INTS3: variants seen among roughly 807,000 people sequenced by gnomAD.
INTS3 encodes SOSS complex subunit A.
In INTS3, 34 loss-of-function variants were observed where a neutral mutation model predicts 146.3. The ratio of observed to expected loss-of-function variants is 0.23; its 90% confidence interval spans 0.18 to 0.31. The LOEUF is 0.31. Among genes scored for constraint, INTS3 ranks in the 10% least tolerant of loss-of-function variants. The pLI is 1.00. For synonymous variants in INTS3, 475 were observed against 494.9 expected (o/e 0.96, Z 0.53); for missense variants, 757 against 1,304.2 (o/e 0.58, Z 6.46).
At chr1:153,749,752 C>G (rs1049552495) in intron 6 of INTS3, among the ~76,000 whole-genome samples, 9 of 152,230 alleles carry the variant, frequency 5.9e-5, no homozygotes, top group African/African-American at 1.9e-4. Flanking sequence ...TCAACTCTTT[C>G]TTTCTCTTTA....
chr1:153,750,783 A>G (rs1405490820), intron 6 of INTS3: 1 of 374,662 alleles, frequency 2.7e-6, no homozygotes, highest in Non-Finnish European at 4.8e-6. Context: ...AAATGTTTGA[A>G]TGAATGAGTC....
At chr1:153,763,504 GTTC>G (rs1672466675) in intron 16 of INTS3, 142 bp downstream of exon 16, 1 of 900,388 alleles carries the variant, frequency 1.1e-6, no homozygotes, top group East Asian at 2.5e-5. Flanking sequence ...TCATGAGGGA[GTTC>G]TTCTGCACTT....
Position 153,751,233 on chromosome 1 carries a change from G to A in INTS3, c.723G>A (p.Arg241=), listed in dbSNP as rs1382333642. ...TAGACTTCTGCATCTCACTGCTTCG[G>A]GAACGGGTGAGGGAACAGGACAAAA... ...KEVDFCISLL[R]ERFMECLMIG... is the part of the protein sequence containing the mutation. The change falls in exon 7 of 30, where the codon CGG becomes CGA. Residue 241 remains arginine (R), a synonymous_variant. Coordinates refer to ENST00000318967, the MANE Select transcript of INTS3 (RefSeq NM_023015.5). The A allele has an allele frequency of 6.2e-7, 1 of 1,614,150 alleles. No homozygotes were observed. The highest frequency in any genetic ancestry group is 8.5e-7 in the Non-Finnish European group (1 of 1,179,978).
At chr1:153,747,712 C>A in intron 5 of INTS3, 1 of 302,194 alleles carries the variant, frequency 3.3e-6, no homozygotes, top group South Asian at 4.4e-5. Flanking sequence ...TTCTCAAGTC[C>A]CTGTGCTTTC....
At chr1:153,744,829 A>G (rs12754128) in intron 3 of INTS3, among the ~76,000 whole-genome samples, 1 of 152,116 alleles carries the variant, frequency 6.6e-6, no homozygotes, top group African/African-American at 2.4e-5. Flanking sequence ...AGAGTCTCAA[A>G]ACTATTACAA....
At chr1:153,738,580 T>A (rs1671391015) in intron 1 of INTS3, among the ~76,000 whole-genome samples, 1 of 152,224 alleles carries the variant, frequency 6.6e-6, no homozygotes, top group Non-Finnish European at 1.5e-5. Flanking sequence ...TTAGTGATAT[T>A]AACTTTGATC....
In INTS3 at chr1:153,772,608, T is replaced by C. The variant is rs1239687700; in HGVS notation, c.2822-31T>C. On this transcript the variant is annotated intron_variant, in intron 27 of 29. Transcript: ENST00000318967. The surrounding 1 kb of genome is among the most constrained non-coding windows in gnomAD (Gnocchi z 4.6). ...AAGCTCCCAGACATCTGATTGTTTTTCCTTCCCTGCTCTCCCTTTTCTTCC... is the reference window on the plus strand; with the variant it reads ...AAGCTCCCAGACATCTGATTGTTTTCCCTTCCCTGCTCTCCCTTTTCTTCC... The C allele has an allele frequency of 5.6e-6, 9 of 1,613,998 alleles. No homozygotes were observed. The highest frequency in any genetic ancestry group is 1.6e-4 in the Middle Eastern group (1 of 6,084).
intron 3 of INTS3, among the ~76,000 whole-genome samples, chr1:153,742,478 C>CTGTGTGTGTGTGTGTGTG (rs35008806): frequency 0.021 from 3,024 of 147,488 alleles, 56 homozygotes; most frequent in Middle Eastern, 0.066. Context: ...TTTTTAATCT[C>CTGTGTGTGTGTGTGTGTG]TGTGTGTGTG....
intron 1 of INTS3, among the ~76,000 whole-genome samples, chr1:153,729,437 G>T (rs1252122537): frequency 1.3e-5 from 2 of 152,332 alleles, no homozygotes; most frequent in Non-Finnish European, 2.9e-5. Context: ...GCGAAGAAAT[G>T]GAATGGACCT....
Position 153,762,791 on chromosome 1 carries a change from G to C in INTS3, c.1580G>C (p.Cys527Ser), listed in dbSNP as rs1284122599. The change falls in exon 15 of 30, where the codon TGC becomes TCC. Residue 527 changes from cysteine to serine, a missense_variant. Around this residue, in one of 8 missense-constraint regions of INTS3, gnomAD observed 97 missense variants for 113.6 expected, o/e 0.85. Coordinates refer to ENST00000318967, the MANE Select transcript of INTS3 (RefSeq NM_023015.5). ...CATATGTCGGATAAGGATGAGAGTT[G>C]CTATGACAATGCAGAGGCAGCCTTC... ...DNHMSDKDESCYDNAEAAFSD... is the reference protein window; with the variant it reads ...DNHMSDKDESSYDNAEAAFSD... The C allele has an allele frequency of 1.2e-6, 2 of 1,614,074 alleles. No individual in the cohort carries two copies. The highest frequency in any genetic ancestry group is 2.7e-5 in the African/African-American group (2 of 74,936).
chr1:153,770,333 G>A, intron 24 of INTS3, 22 bp downstream of exon 24: 1 of 1,382,852 alleles, frequency 7.2e-7, no homozygotes, highest in Non-Finnish European at 1.0e-6. Context: ...TTTGGGTAGG[G>A]AGCACATCAG....
At chr1:153,747,439 A>C in intron 5 of INTS3, 76 bp downstream of exon 5, 1 of 1,101,046 alleles carries the variant, frequency 9.1e-7, no homozygotes, top group East Asian at 2.4e-5. Flanking sequence ...GAGAATGATT[A>C]AGTGCCAAAG....
At chr1:153,749,430 G>A (rs1671873464) in intron 6 of INTS3, among the ~76,000 whole-genome samples, 1 of 152,160 alleles carries the variant, frequency 6.6e-6, no homozygotes, top group African/African-American at 2.4e-5. Context: ...TCTGATTGAG[G>A]ACACCATAGT....
Position 153,772,543 on chromosome 1 carries a change from C to G in INTS3, c.2822-96C>G. 1 of 1,610,854 alleles carries G rather than the reference C, an allele frequency of 6.2e-7. No homozygotes were observed. Among genetic ancestry groups the G allele is most frequent in the Non-Finnish European group, 8.5e-7 (1 of 1,178,360 alleles). ...AGGGGCAGGACACCCGGGGCCACAA[C>G]CCACACTCGGGATAAAACAACCTGT... is the stretch of plus-strand genomic sequence containing the variant. On this transcript the variant is annotated intron_variant, in intron 27 of 29. Coordinates refer to ENST00000318967, the MANE Select transcript of INTS3 (RefSeq NM_023015.5). This position sits in a 1 kb window ranked among gnomAD's most constrained non-coding sequence, Gnocchi z 4.6.
intron 6 of INTS3, 22 bp from the exon 7 acceptor site, chr1:153,751,073 C>G: frequency 6.2e-7 from 1 of 1,613,220 alleles, no homozygotes; most frequent in Non-Finnish European, 8.5e-7. Context: ...AGCATAGGAG[C>G]CAGTGTGTTT....
At chr1:153,733,970 G>T (rs948245226) in intron 1 of INTS3, among the ~76,000 whole-genome samples, 1 of 152,154 alleles carries the variant, frequency 6.6e-6, no homozygotes, top group Admixed American at 6.6e-5. Context: ...GGTTAGAGGG[G>T]TTCCTCCAGC....
At chr1:153,768,059 G>T (rs1053836930) in intron 21 of INTS3, among the ~76,000 whole-genome samples, 1 of 152,150 alleles carries the variant, frequency 6.6e-6, no homozygotes, top group East Asian at 1.9e-4. Flanking sequence ...GTGCGTTGGG[G>T]TCTGAGCCTA....
At chr1:153,738,370 A>G (rs567499783) in intron 1 of INTS3, among the ~76,000 whole-genome samples, 43 of 152,324 alleles carry the variant, frequency 2.8e-4, no homozygotes, top group Admixed American at 2.3e-3. Flanking sequence ...CTGGGATTAC[A>G]GGTGTGAGCT....
Position 153,752,347 on chromosome 1 carries a change from A to G in INTS3, c.798A>G (p.Glu266=). The change falls in exon 8 of 30, where the codon GAA becomes GAG. Residue 266 remains glutamate, a synonymous_variant. Transcript: ENST00000318967. The stretch of plus-strand genomic sequence containing the variant: ...TTCAGAATGTTGCTAGGATACCAGA[A>G]TTTGAACTGCTTTGGAAAGATATTA... ...RLLQNVARIP[E]FELLWKDIIH... is the part of the protein sequence containing the mutation. 1 of 1,613,800 alleles carries G rather than the reference A, an allele frequency of 6.2e-7. No homozygotes were observed. The highest frequency in any genetic ancestry group is 8.5e-7 in the Non-Finnish European group (1 of 1,179,836).
Sources: gnomAD v4.1 joint callset for allele counts (sites outside exome capture counted in the v4.1 genomes callset) on GRCh38, gnomAD v4.1.1 for gene constraint, gnomAD v4.1.1 regional missense constraint, Gnocchi (gnomAD v3.1) non-coding constraint, MANE v1.5 for transcripts, NCBI Gene and HGNC (gene_info 2026-07-23, HGNC 2026-07-21) for gene names.